CEP128: variants seen among roughly 807,000 people sequenced by gnomAD.
CEP128 encodes the protein centrosomal protein 128kDa.
A neutral mutation model predicts 156.7 loss-of-function variants in CEP128; 132 were observed. The observed-to-expected ratio is 0.84, with a 90% confidence interval of 0.73 to 0.97. The LOEUF (loss-of-function observed/expected upper bound fraction) is 0.97. CEP128 is among the 50% of genes least tolerant of loss of function. The probability of loss-of-function intolerance (pLI) is 0.00; values close to 1 mark genes in which losing one functional copy is unlikely to be tolerated. For synonymous variants in CEP128, 469 were observed against 448.9 expected (o/e 1.04, Z -0.57); for missense variants, 1,252 against 1,281.9 (o/e 0.98, Z 0.36).
intron 19 of CEP128, among the ~76,000 whole-genome samples, chr14:80,737,620 G>C (rs1306381819): frequency 6.6e-6 from 1 of 152,164 alleles, no homozygotes; most frequent in Non-Finnish European, 1.5e-5. Context: ...ACAGTTTCAT[G>C]CCTGTAATCC....
chr14:80,947,173 G>A (rs1429359355), intron 2 of CEP128, among the ~76,000 whole-genome samples: 2 of 152,084 alleles, frequency 1.3e-5, no homozygotes, highest in Middle Eastern at 3.2e-3. Context: ...GTGTGAGAAT[G>A]GACTAATACA....
At chr14:80,651,094 G>A (rs1894883023) in intron 19 of CEP128, among the ~76,000 whole-genome samples, 1 of 152,086 alleles carries the variant, frequency 6.6e-6, no homozygotes, top group African/African-American at 2.4e-5. Context: ...CTCAATTTGA[G>A]AATTTGTTAT....
At chr14:80,729,221 C>T (rs1026560225) in intron 19 of CEP128, among the ~76,000 whole-genome samples, 2 of 150,994 alleles carry the variant, frequency 1.3e-5, no homozygotes, top group African/African-American at 4.9e-5. Context: ...GCCTTTGTGT[C>T]CTCATAGTTT....
At chr14:80,817,328 A>G (rs2139978009) in intron 13 of CEP128, among the ~76,000 whole-genome samples, 1 of 152,358 alleles carries the variant, frequency 6.6e-6, no homozygotes, top group South Asian at 2.1e-4. Context: ...GTTACAAGAC[A>G]TGCAAGGAAA....
At chr14:80,877,267 TG>T (rs1171406470) in intron 8 of CEP128, among the ~76,000 whole-genome samples, 1 of 150,974 alleles carries the variant, frequency 6.6e-6, no homozygotes, top group African/African-American at 2.4e-5. Context: ...ATATAGTAAG[TG>T]GGTCCAAGAG....
At chr14:80,905,588 C>A in intron 5 of CEP128, 1 of 185,640 alleles carries the variant, frequency 5.4e-6, no homozygotes, top group Non-Finnish European at 1.1e-5. Flanking sequence ...TAACAAGCAT[C>A]ACAGGGTATT....
intron 8 of CEP128, among the ~76,000 whole-genome samples, chr14:80,884,524 G>A (rs779176744): frequency 6.6e-6 from 1 of 152,178 alleles, no homozygotes; most frequent in African/African-American, 2.4e-5. Flanking sequence ...GAAGTAGGGT[G>A]GGGCATTGCC....
In CEP128 at chr14:80,836,401, G is replaced by T. The variant is rs147907417; in HGVS notation, c.925-64C>A. 5.6e-5 allele frequency: 89 copies of T among 1,585,078 alleles called. No homozygotes were observed. In the East Asian group the frequency reaches 1.2e-3, roughly 21 times the overall value. ...TCAGAGAAAGACCTACTTCAAATGG[G>T]CTATTGTAAACACAAGTTGAATCCA... On this transcript the variant is annotated intron_variant, in intron 11 of 24. Transcript: ENST00000555265.
chr14:80,735,490 G>A (rs571758230), intron 19 of CEP128, among the ~76,000 whole-genome samples: 4 of 152,274 alleles, frequency 2.6e-5, no homozygotes, highest in Admixed American at 6.5e-5. Flanking sequence ...GTGTCCAAAA[G>A]TGGGTGCACA....
intron 9 of CEP128, among the ~76,000 whole-genome samples, chr14:80,857,585 A>T (rs1419396527): frequency 2.0e-5 from 3 of 151,756 alleles, no homozygotes; most frequent in Non-Finnish European, 4.4e-5. Context: ...ATACAACAAC[A>T]AAAAAATCAG....
At position 80,504,973 on chromosome 14, in the gene CEP128, G is replaced by A. The variant is rs541391458; in HGVS notation, c.3120C>T (p.His1040=). 3 of 1,604,836 alleles carry A rather than the reference G, an allele frequency of 1.9e-6. No individual in the cohort carries two copies. The highest frequency in any genetic ancestry group is 1.1e-5 in the South Asian group (1 of 89,064). ...GACTGTGATCCTGCCAAGAGGATGA[G>A]TGATCTAACCCACGAGTGTGGGAAC... The part of the protein sequence containing the change: ...LEGSHTRGLD[H]SSSWQDHSRF... Residue 1040 remains histidine (H), a synonymous_variant, in exon 24 of 25, where the codon CAC becomes CAT. Transcript: ENST00000555265.
intron 19 of CEP128, among the ~76,000 whole-genome samples, chr14:80,656,764 C>T (rs1895190250): frequency 6.6e-6 from 1 of 152,086 alleles, no homozygotes; most frequent in Non-Finnish European, 1.5e-5. Context: ...TACTAAATTT[C>T]CCTCCTCTGG....
At chr14:80,602,161 T>C (rs912372121) in intron 19 of CEP128, among the ~76,000 whole-genome samples, 2 of 152,090 alleles carry the variant, frequency 1.3e-5, no homozygotes, top group African/African-American at 4.8e-5. Flanking sequence ...TAAGTATATA[T>C]GCAAATAACA....
chr14:80,481,640 C>A (rs768773581), intron 14 of CEP128, among the ~76,000 whole-genome samples: 1 of 152,196 alleles, frequency 6.6e-6, no homozygotes, highest in African/African-American at 2.4e-5. Context: ...AGTTATTCAA[C>A]TTCCTCAGTT....
At chr14:80,948,402 C>T (rs903587043) in intron 2 of CEP128, among the ~76,000 whole-genome samples, 6 of 152,118 alleles carry the variant, frequency 3.9e-5, no homozygotes, top group Admixed American at 3.3e-4. Context: ...CTGCCAAGAG[C>T]GTCACAGATA....
intron 13 of CEP128, among the ~76,000 whole-genome samples, chr14:80,800,357 G>A (rs1404517067): frequency 6.6e-6 from 1 of 152,120 alleles, no homozygotes; most frequent in East Asian, 1.9e-4. Flanking sequence ...TCGATAAAGA[G>A]AACTTTTTAT....
intron 8 of CEP128, among the ~76,000 whole-genome samples, chr14:80,883,215 A>T (rs528283118): frequency 8.0e-4 from 122 of 152,248 alleles, no homozygotes; most frequent in African/African-American, 2.8e-3. Context: ...AAAATTTTTT[A>T]AAATAAAATA....
At chr14:80,907,529 G>C (rs888339049) in intron 4 of CEP128, among the ~76,000 whole-genome samples, 1 of 151,882 alleles carries the variant, frequency 6.6e-6, no homozygotes. Flanking sequence ...ATGATGGCTG[G>C]TGCCTGTAAT....
At chr14:80,935,154 G>C (rs912450812) in intron 2 of CEP128, among the ~76,000 whole-genome samples, 4 of 152,122 alleles carry the variant, frequency 2.6e-5, no homozygotes, top group African/African-American at 9.7e-5. Flanking sequence ...ACATGTAAAT[G>C]GCAGTGGTGA....
Sources: allele counts gnomAD v4.1 joint callset (sites outside exome capture counted in the v4.1 genomes callset), GRCh38; gene constraint gnomAD v4.1.1; transcripts MANE v1.5; gene names NCBI Gene and HGNC (gene_info 2026-07-23, HGNC 2026-07-21).